NTM: variants seen among roughly 807,000 people sequenced by gnomAD.
NTM encodes neurotrimin, also known as IgLON family member 2.
In NTM, 13 loss-of-function variants were observed where a neutral mutation model predicts 42.1. The ratio of observed to expected loss-of-function variants is 0.31; its 90% CI spans 0.20 to 0.49. NTM has a LOEUF of 0.49. Ranked by LOEUF, NTM falls within the 20% of genes least tolerant of loss-of-function variation. The pLI is 0.99. For missense variants in NTM, 373 were observed against 452.8 expected (o/e 0.82, Z 1.60); for synonymous variants, 187 against 179.2 (o/e 1.04, Z -0.35).
rs373680909 is a variant in NTM at position 131,607,857 on chromosome 11, G to A, written c.82+236969G>A. 7.3e-5 allele frequency among the ~76,000 whole-genome samples: 11 copies of A among 151,148 alleles called. No homozygotes were observed. In the East Asian group the frequency reaches 7.8e-4, roughly 11 times the overall value. ...CTGTATTGCCAAACCTTGTACGCAC[G>A]GTTTGATCGGTAGACATTTTTGGTT... On this transcript the variant is annotated intron_variant, in intron 1 of 8. Transcript: ENST00000683400.
At chr11:131,965,783 C>G (rs2062759038) in intron 2 of NTM, among the ~76,000 whole-genome samples, 1 of 152,124 alleles carries the variant, frequency 6.6e-6, no homozygotes, top group Non-Finnish European at 1.5e-5. Context: ...CTTCAGTGGA[C>G]TATCAGCTAA....
chr11:132,176,623 T>A (rs2076846956), intron 3 of NTM, among the ~76,000 whole-genome samples: 1 of 152,018 alleles, frequency 6.6e-6, no homozygotes, highest in South Asian at 2.1e-4. Context: ...TCTCAGATTA[T>A]GCTTGACATG....
At chr11:131,537,132 G>A (rs2052365553) in intron 1 of NTM, 1 of 150,158 alleles carries the variant, frequency 6.7e-6, no homozygotes, top group African/African-American at 2.4e-5. Flanking sequence ...ACTCATAGTA[G>A]GCATTCAAGA....
chr11:132,174,683 G>T (rs1412899517), intron 3 of NTM, among the ~76,000 whole-genome samples: 1 of 151,804 alleles, frequency 6.6e-6, no homozygotes. Context: ...TCTCTTTCTG[G>T]CAATGGCTCT....
At chr11:132,320,266 G>C (rs2095530674) in intron 7 of NTM, among the ~76,000 whole-genome samples, 1 of 152,232 alleles carries the variant, frequency 6.6e-6, no homozygotes, top group South Asian at 2.1e-4. Context: ...CTGAGGTACT[G>C]GGTTCATCTC....
rs2095612618 is a variant in NTM at position 132,323,410 on chromosome 11, A to C, written c.935-6743A>C. Among the ~76,000 whole-genome samples the C allele has an allele frequency of 2.0e-5, 3 of 151,942 alleles. No homozygotes were observed. The South Asian group carries it at 6.3e-4, about 32-fold the overall frequency. The stretch of plus-strand genomic sequence containing the variant: ...ATACTACAAACACCTCTATGCAAAT[A>C]AACTAGAAAATCTAGAAGAAATGGA... On this transcript the variant is annotated intron_variant, in intron 7 of 8. Transcript: ENST00000683400.
intron 2 of NTM, among the ~76,000 whole-genome samples, chr11:132,026,929 T>G (rs1264091755): frequency 6.6e-5 from 10 of 152,226 alleles, no homozygotes. Context: ...CCTTCTGTCC[T>G]TCCGACACCC....
intron 1 of NTM, among the ~76,000 whole-genome samples, chr11:131,764,655 A>T (rs907881263): frequency 6.6e-6 from 1 of 152,210 alleles, no homozygotes; most frequent in Non-Finnish European, 1.5e-5. Flanking sequence ...GCATTGCAAG[A>T]CTATTGTGAG....
intron 1 of NTM, among the ~76,000 whole-genome samples, chr11:131,821,539 C>T (rs2093188341): frequency 6.6e-6 from 1 of 152,256 alleles, no homozygotes; most frequent in Non-Finnish European, 1.5e-5. Context: ...TTCTCAGATG[C>T]TGTCTCCTCA....
At chr11:131,601,143 G>A (rs1162598428) in intron 1 of NTM, among the ~76,000 whole-genome samples, 2 of 152,202 alleles carry the variant, frequency 1.3e-5, no homozygotes, top group Non-Finnish European at 2.9e-5. Flanking sequence ...GAGAGGGGTG[G>A]GCCACGCCCT....
chr11:131,628,216 T>A (rs1256952537), intron 1 of NTM, among the ~76,000 whole-genome samples: 3 of 152,290 alleles, frequency 2.0e-5, no homozygotes, highest in Admixed American at 6.5e-5. Context: ...CTCCACACAC[T>A]CTGCAAAGCA....
intron 3 of NTM, among the ~76,000 whole-genome samples, chr11:132,190,759 C>G (rs1382202374): frequency 2.1e-5 from 3 of 145,490 alleles, no homozygotes; most frequent in South Asian, 4.4e-4. Flanking sequence ...AAAAAAGAGA[C>G]AGATAGCAGA....
At chr11:131,800,732 A>G (rs962005778) in intron 1 of NTM, among the ~76,000 whole-genome samples, 5 of 152,180 alleles carry the variant, frequency 3.3e-5, no homozygotes, top group African/African-American at 1.2e-4. Context: ...GGAGATTTCA[A>G]GTGCAATTTG....
chr11:131,808,603 G>A (rs1221313812), intron 1 of NTM, among the ~76,000 whole-genome samples: 1 of 152,216 alleles, frequency 6.6e-6, no homozygotes, highest in Admixed American at 6.5e-5. Context: ...CAGTGGACCA[G>A]GTGTTGGTCC....
Position 131,596,920 on chromosome 11 carries a change from C to T in NTM, c.82+226032C>T, listed in dbSNP as rs140658472. On this transcript the variant is annotated intron_variant, in intron 1 of 8. Transcript: ENST00000683400. ...AAGAGAGCCAGGCCAAGCTCCAAAA[C>T]TGAAGAACTTGGGTCTGATGTTCCA... Among the ~76,000 whole-genome samples, 29 of 152,316 alleles carry T rather than the reference C, an allele frequency of 1.9e-4. No individual in the cohort carries two copies. In the East Asian group the frequency reaches 5.6e-3, roughly 29 times the overall value.
intron 1 of NTM, among the ~76,000 whole-genome samples, chr11:131,552,488 G>A (rs1171674249): frequency 3.4e-5 from 5 of 147,734 alleles, no homozygotes; most frequent in Admixed American, 3.4e-4. Flanking sequence ...CTGGGCGACA[G>A]AGCGAGACTC....
At chr11:131,456,901 T>C (rs1169026132) in intron 1 of NTM, among the ~76,000 whole-genome samples, 1 of 152,224 alleles carries the variant, frequency 6.6e-6, no homozygotes, top group African/African-American at 2.4e-5. Flanking sequence ...CATGCTTTTC[T>C]GACTCTTGAA....
intron 4 of NTM, among the ~76,000 whole-genome samples, chr11:132,301,288 G>A (rs2094844564): frequency 6.6e-6 from 1 of 152,158 alleles, no homozygotes; most frequent in Non-Finnish European, 1.5e-5. Flanking sequence ...ATGAGAACGG[G>A]ATGGGGGAAA....
intron 1 of NTM, among the ~76,000 whole-genome samples, chr11:131,508,316 A>C (rs12577415): frequency 0.12 from 17,665 of 145,972 alleles, 1,245 homozygotes; most frequent in East Asian, 0.26. Flanking sequence ...AGAGAAATGC[A>C]AATCAAAACC....
Sources: allele counts gnomAD v4.1 joint callset (sites outside exome capture counted in the v4.1 genomes callset), GRCh38; gene constraint gnomAD v4.1.1; transcripts MANE v1.5; gene names NCBI Gene and HGNC (gene_info 2026-07-23, HGNC 2026-07-21).